The following BPTF variants were observed in gnomAD, a reference collection of about 807,000 sequenced individuals.
BPTF encodes bromodomain PHD finger transcription factor.
In BPTF, 18 loss-of-function variants were observed where a neutral mutation model predicts 292.5. The ratio of observed to expected loss-of-function variants is 0.06; its 90% confidence interval spans 0.04 to 0.09. BPTF has a LOEUF of 0.09. Among genes scored for constraint, BPTF ranks in the 10% least tolerant of loss-of-function variants. The pLI is 1.00. For missense variants in BPTF, 2,726 were observed against 3,498.7 expected (o/e 0.78, Z 5.57); for synonymous variants, 1,225 against 1,251.9 (o/e 0.98, Z 0.45).
At chr17:67,967,473 A>T (rs2068247496) in intron 26 of BPTF, among the ~76,000 whole-genome samples, 1 of 151,728 alleles carries the variant, frequency 6.6e-6, no homozygotes, top group Non-Finnish European at 1.5e-5. Context: ...CAGCAGTTTC[A>T]TTTCTTAGGA....
chr17:67,840,991 T>C (rs1222841228), intron 1 of BPTF, among the ~76,000 whole-genome samples: 1 of 152,238 alleles, frequency 6.6e-6, no homozygotes, highest in African/African-American at 2.4e-5. Context: ...CAGTGTCTTT[T>C]TCCCAGAGCA....
At chr17:67,976,235 G>C (rs2069397941) in intron 27 of BPTF, among the ~76,000 whole-genome samples, 1 of 152,224 alleles carries the variant, frequency 6.6e-6, no homozygotes, top group Admixed American at 6.5e-5. Flanking sequence ...CACTTTGGGA[G>C]GCCAAGGCAG....
chr17:67,975,389 T>A (rs2069284281), intron 26 of BPTF: 1 of 157,060 alleles, frequency 6.4e-6, no homozygotes, highest in South Asian at 2.0e-4. Flanking sequence ...ACAGAGATTT[T>A]GTTCTTAATT....
At chr17:67,904,970 A>T (rs979003381) in intron 9 of BPTF, 130 bp downstream of exon 9, 1 of 667,600 alleles carries the variant, frequency 1.5e-6, no homozygotes. Flanking sequence ...CAGAATTACT[A>T]GTTTAGTTTA....
rs557620529 is a variant in BPTF at position 67,882,421 on chromosome 17, C to G, written c.1864+7401C>G. Reference sequence around the variant, plus strand: ...AGATTGCAGATAGCATACTTAGTTTCTTTGTTTACATTTGTATATCTGTTC... The same window carrying G: ...AGATTGCAGATAGCATACTTAGTTTGTTTGTTTACATTTGTATATCTGTTC... On this transcript the variant is annotated intron_variant, in intron 4 of 27. Transcript: ENST00000306378. 2.6e-5 allele frequency among the ~76,000 whole-genome samples: 4 copies of G among 152,220 alleles called. No individual in the cohort carries two copies. The East Asian group carries it at 7.7e-4, about 29-fold the overall frequency.
At chr17:67,898,241 A>G (rs113765616) in intron 7 of BPTF, among the ~76,000 whole-genome samples, 1 of 152,210 alleles carries the variant, frequency 6.6e-6, no homozygotes, top group African/African-American at 2.4e-5. Flanking sequence ...GCATGCCTTT[A>G]GTCCCAGCTA....
At chr17:67,888,797 C>T (rs2060914661) in intron 4 of BPTF, among the ~76,000 whole-genome samples, 1 of 151,932 alleles carries the variant, frequency 6.6e-6, no homozygotes, top group African/African-American at 2.4e-5. Flanking sequence ...AGAAGATTCC[C>T]CTTCTGGAGG....
chr17:67,964,489 CT>C, intron 25 of BPTF, 85 bp downstream of exon 25: 1 of 1,426,468 alleles, frequency 7.0e-7, no homozygotes, highest in Non-Finnish European at 9.4e-7. Context: ...AGTTTCCAAT[CT>C]TAGAATGATT....
intron 1 of BPTF, among the ~76,000 whole-genome samples, chr17:67,834,301 T>G (rs1211119864): frequency 1.3e-5 from 2 of 152,256 alleles, no homozygotes; most frequent in African/African-American, 2.4e-5. Flanking sequence ...TTTAATTTTA[T>G]AAAACATTTT....
chr17:67,904,556 G>T, intron 8 of BPTF, 146 bp from the exon 9 acceptor site: 1 of 533,404 alleles, frequency 1.9e-6, no homozygotes, highest in Non-Finnish European at 3.2e-6. Flanking sequence ...AATTTTTTTT[G>T]TCCCCACTTG....
intron 5 of BPTF, 69 bp from the exon 6 acceptor site, chr17:67,893,299 GAC>G (rs1261735743): frequency 2.0e-5 from 19 of 930,356 alleles, no homozygotes; most frequent in African/African-American, 1.9e-4. Flanking sequence ...ATTATTGAAA[GAC>G]AGTTGATTAG....
chr17:67,911,248 C>A lies in BPTF; in HGVS notation c.3364C>A (p.Gln1122Lys). The change falls in exon 11 of 28, where the codon CAA (glutamine) becomes AAA (lysine). Residue 1122 changes from glutamine to lysine, a missense_variant. This residue lies in a region of BPTF where 713 missense variants were observed against 714.9 expected (regional missense o/e 1.00). Transcript: ENST00000306378. ...AGGGTGTCAGAGTGACTCGATGAGACAAGAACAGAGCCCAAATGCAAATAA... is the reference window on the plus strand; with the variant it reads ...AGGGTGTCAGAGTGACTCGATGAGAAAAGAACAGAGCCCAAATGCAAATAA... ...KEGCQSDSMR[Q>K]EQSPNANNDQ... The A allele has an allele frequency of 6.2e-7, 1 of 1,613,992 alleles. No individual in the cohort carries two copies. The highest frequency in any genetic ancestry group is 8.5e-7 in the Non-Finnish European group (1 of 1,179,974).
intron 24 of BPTF, among the ~76,000 whole-genome samples, chr17:67,960,594 A>G (rs1390550829): frequency 6.6e-6 from 1 of 152,224 alleles, no homozygotes; most frequent in Non-Finnish European, 1.5e-5. Flanking sequence ...TCATTTTACA[A>G]AATATTTAAC....
At chr17:67,972,357 T>C (rs2068858203) in intron 26 of BPTF, among the ~76,000 whole-genome samples, 1 of 152,118 alleles carries the variant, frequency 6.6e-6, no homozygotes, top group Non-Finnish European at 1.5e-5. Context: ...CACCTCAGCC[T>C]CCCAAGTAGC....
intron 1 of BPTF, among the ~76,000 whole-genome samples, chr17:67,850,916 T>TA (rs1215691979): frequency 1.3e-5 from 2 of 152,144 alleles, no homozygotes; most frequent in African/African-American, 4.8e-5. Context: ...CCTTTAAGGG[T>TA]AAACAAGCTT....
intron 4 of BPTF, among the ~76,000 whole-genome samples, chr17:67,886,549 CAG>C (rs2060769264): frequency 6.6e-6 from 1 of 151,952 alleles, no homozygotes; most frequent in Admixed American, 6.6e-5. Flanking sequence ...CAAAAGCACA[CAG>C]AGCAGGGAAG....
chr17:67,911,906 C>G lies in BPTF; in HGVS notation c.4022C>G (p.Ser1341Cys). The change falls in exon 11 of 28, where the codon TCC becomes TGC. Residue 1341 changes from serine (S) to cysteine (C), a missense_variant. Physicochemically the swap from Ser to Cys is moderately radical, Grantham distance 112. This residue lies in a region of BPTF where 713 missense variants were observed against 714.9 expected (regional missense o/e 1.00). Coordinates refer to ENST00000306378, the MANE Select transcript of BPTF (RefSeq NM_182641.4). ...PLKCELVSGE[S>C]TGNCEDRLPV... The stretch of plus-strand genomic sequence containing the variant: ...AAGTGTGAGTTGGTTTCTGGTGAGT[C>G]CACTGGAAACTGTGAGGACAGGCTG... The G allele has an allele frequency of 1.2e-6, 2 of 1,613,924 alleles. No homozygotes were observed. The highest frequency in any genetic ancestry group is 2.2e-5 in the South Asian group (2 of 91,016).
intron 11 of BPTF, among the ~76,000 whole-genome samples, chr17:67,917,175 C>T (rs993752276): frequency 7.9e-6 from 1 of 126,140 alleles, no homozygotes; most frequent in East Asian, 3.3e-4. Flanking sequence ...CACTGCCGCC[C>T]GAGGTGGAGT....
chr17:67,920,935 A>G (rs2063388318), intron 13 of BPTF, among the ~76,000 whole-genome samples: 1 of 152,180 alleles, frequency 6.6e-6, no homozygotes, highest in African/African-American at 2.4e-5. Flanking sequence ...GGCCAGGTAC[A>G]GTGGCTCACA....
Sources: allele counts gnomAD v4.1 joint callset (sites outside exome capture counted in the v4.1 genomes callset), GRCh38; gene constraint gnomAD v4.1.1; regional missense constraint gnomAD v4.1.1; transcripts MANE v1.5; gene names NCBI Gene and HGNC (gene_info 2026-07-23, HGNC 2026-07-21).